POLD1: variants seen among roughly 807,000 people sequenced by gnomAD.
POLD1 encodes DNA polymerase delta 1, catalytic subunit, also known as DNA polymerase delta catalytic subunit.
A neutral mutation model predicts 129.7 loss-of-function variants in POLD1; 79 were observed. The ratio of observed to expected loss-of-function variants is 0.61; its 90% CI spans 0.51 to 0.73. The LOEUF is 0.73. Ranked by LOEUF, POLD1 falls within the 30% of genes least tolerant of loss-of-function variation. The pLI is 0.00. For synonymous variants in POLD1, 714 were observed against 683.3 expected (o/e 1.04, Z -0.70); for missense variants, 1,338 against 1,595.8 (o/e 0.84, Z 2.75).
At chr19:50,408,991 C>A in intron 15 of POLD1, 90 bp downstream of exon 15, 1 of 1,414,066 alleles carries the variant, frequency 7.1e-7, no homozygotes, top group Non-Finnish European at 9.9e-7. Context: ...AGGCACAGGC[C>A]CAGAGATAGT....
intron 1 of POLD1, among the ~76,000 whole-genome samples, chr19:50,388,584 T>G (rs1389784309): frequency 1.3e-5 from 2 of 152,216 alleles, no homozygotes; most frequent in East Asian, 1.9e-4. Context: ...ATTTTCATTT[T>G]ATATATTTCC....
chr19:50,394,423 G>A (rs1257335734), intron 1 of POLD1, among the ~76,000 whole-genome samples: 3 of 152,100 alleles, frequency 2.0e-5, no homozygotes, highest in East Asian at 1.9e-4. Flanking sequence ...AGGCCGAGGC[G>A]GGCGGATCAT....
At chr19:50,391,858 G>A (rs150218440) in intron 1 of POLD1, among the ~76,000 whole-genome samples, 8 of 151,170 alleles carry the variant, frequency 5.3e-5, no homozygotes, top group African/African-American at 1.2e-4. Context: ...GATTATAGGC[G>A]CCCGCCACCA....
intron 22 of POLD1, 112 bp from the exon 23 acceptor site, chr19:50,416,284 G>T: frequency 1.7e-6 from 2 of 1,154,102 alleles, no homozygotes; most frequent in Non-Finnish European, 2.4e-6. Context: ...CCCCCCCCAT[G>T]TCACAGCCCG....
At chr19:50,401,733 G>GGACCCTGAGAGGCATGGCCGCTGTCT in intron 3 of POLD1, 45 bp from the exon 4 acceptor site, 1 of 1,603,984 alleles carries the variant, frequency 6.2e-7, no homozygotes, top group Non-Finnish European at 8.5e-7. Flanking sequence ...ACACCTTGGA[G>GGACCCTGAGAGGCATGGCCGCTGTCT]GACCCTGAGA....
intron 14 of POLD1, 28 bp from the exon 15 acceptor site, chr19:50,408,757 C>A (rs1300949887): frequency 6.2e-7 from 1 of 1,612,178 alleles, no homozygotes; most frequent in South Asian, 1.1e-5. Context: ...CTAGCCCTGA[C>A]TCCCGGCCGC....
chr19:50,397,491 G>A (rs918375328), intron 1 of POLD1, among the ~76,000 whole-genome samples: 4 of 146,206 alleles, frequency 2.7e-5, no homozygotes, highest in South Asian at 4.4e-4. Flanking sequence ...TGCAACCTCC[G>A]CCTCCCAGGT....
intron 10 of POLD1, among the ~76,000 whole-genome samples, chr19:50,404,544 G>A (rs2038795313): frequency 6.9e-6 from 1 of 144,174 alleles, no homozygotes; most frequent in Non-Finnish European, 1.5e-5. Flanking sequence ...TTATAGGCGT[G>A]AGCTACTGCA....
In POLD1 at chr19:50,413,833, G is replaced by A. The variant is rs1434951609; in HGVS notation, c.2342G>A (p.Trp781Ter). The A allele has an allele frequency of 1.2e-6, 2 of 1,611,924 alleles. No individual in the cohort carries two copies. Among genetic ancestry groups the A allele is most frequent in the African/African-American group, 1.3e-5 (1 of 74,880 alleles). ...AMALGREAAD[W>*]VSGHFPSPIR... Reference sequence around the variant, plus strand: ...GCCCTGGGGCGGGAGGCCGCGGACTGGGTGTCAGGTCACTTCCCGTCGCCC... The same window carrying A: ...GCCCTGGGGCGGGAGGCCGCGGACTAGGTGTCAGGTCACTTCCCGTCGCCC... The change falls in exon 19 of 27, where the codon TGG becomes TAG. Residue 781 changes from tryptophan (W) to a stop codon, truncating the protein, a stop_gained. Coordinates refer to ENST00000440232, the MANE Select transcript of POLD1 (RefSeq NM_002691.4). LOFTEE classifies it high-confidence loss of function.
chr19:50,407,309 C>T lies in POLD1; in HGVS notation c.1687-18C>T, dbSNP rs564961733. The T allele has an allele frequency of 6.4e-5, 103 of 1,605,406 alleles. 3 individuals are homozygous for T. The South Asian group carries it at 9.3e-4, about 14-fold the overall frequency. Reference sequence around the variant, plus strand: ...CCCCACCTATACCCACTCCATTTCCCACCTTCTCCCCTCCCAGGCCATGCA... The same window carrying T: ...CCCCACCTATACCCACTCCATTTCCTACCTTCTCCCCTCCCAGGCCATGCA... On this transcript the variant is annotated intron_variant, in intron 13 of 26. Transcript: ENST00000440232.
chr19:50,399,119 G>C, intron 2 of POLD1, 66 bp downstream of exon 2: 2 of 1,549,692 alleles, frequency 1.3e-6, no homozygotes, highest in East Asian at 2.4e-5. Context: ...TTTGGTCCAA[G>C]AGTCAGCTGC....
Position 50,416,541 on chromosome 19 carries a change from C to T in POLD1, c.2953+13C>T. The T allele has an allele frequency of 6.5e-7, 1 of 1,549,496 alleles. No individual in the cohort carries two copies. Among genetic ancestry groups the T allele is most frequent in the Non-Finnish European group, 8.7e-7 (1 of 1,149,332 alleles). On this transcript the variant is annotated intron_variant, in intron 23 of 26. Transcript: ENST00000440232. Reference sequence around the variant, plus strand: ...GCTGTGCTACTGCGTACGGGGGCACCAGGGGACTGGGGGCACCCTGGGGGG... The same window carrying T: ...GCTGTGCTACTGCGTACGGGGGCACTAGGGGACTGGGGGCACCCTGGGGGG...
Position 50,385,031 on chromosome 19 carries a change from G to A in POLD1, c.-2+641G>A, listed in dbSNP as rs555809295. Among the ~76,000 whole-genome samples, 16 of 152,254 alleles carry A rather than the reference G, an allele frequency of 1.1e-4. No individual in the cohort carries two copies. In the South Asian group the frequency reaches 3.3e-3, roughly 32 times the overall value. On this transcript the variant is annotated intron_variant, in intron 1 of 26. Coordinates refer to ENST00000440232, the MANE Select transcript of POLD1 (RefSeq NM_002691.4). ...CAGATGAGGTCGGAGTCATGATGGG[G>A]AACTAGATCCTATAGGGCCTTGTAA...
At chr19:50,413,102 G>T (rs2039143587) in intron 17 of POLD1, among the ~76,000 whole-genome samples, 1 of 152,148 alleles carries the variant, frequency 6.6e-6, no homozygotes, top group Non-Finnish European at 1.5e-5. Context: ...ATAGAGAGCT[G>T]CCCAGAATGT....
At chr19:50,407,282 G>T in intron 13 of POLD1, 45 bp from the exon 14 acceptor site, 1 of 1,569,202 alleles carries the variant, frequency 6.4e-7, no homozygotes. Flanking sequence ...CAATCCGCAC[G>T]GCCCCACCTA....
chr19:50,413,642 C>A (rs558074133), intron 18 of POLD1, 100 bp from the exon 19 acceptor site: 66 of 1,539,094 alleles, frequency 4.3e-5, no homozygotes, highest in Admixed American at 3.7e-4. Context: ...CCTGTTGCAT[C>A]CTTGGGTCCC....
chr19:50,416,756 C>A, intron 24 of POLD1, 33 bp downstream of exon 24: 3 of 1,437,048 alleles, frequency 2.1e-6, no homozygotes, highest in Non-Finnish European at 2.8e-6. Flanking sequence ...CCCCCACTGG[C>A]CCTCAACCTG....
At chr19:50,385,554 A>G (rs1601155941) in intron 1 of POLD1, among the ~76,000 whole-genome samples, 2 of 132,874 alleles carry the variant, frequency 1.5e-5, no homozygotes, top group Admixed American at 7.9e-5. Flanking sequence ...TTTGAGACAG[A>G]GTCTTGCTCT....
chr19:50,412,816 T>C (rs535615498), intron 17 of POLD1, among the ~76,000 whole-genome samples: 1 of 151,720 alleles, frequency 6.6e-6, no homozygotes, highest in African/African-American at 2.4e-5. Flanking sequence ...CACCATGTTG[T>C]CCAGGCTGAT....
Sources: gnomAD v4.1 joint callset for allele counts (sites outside exome capture counted in the v4.1 genomes callset) on GRCh38, gnomAD v4.1.1 for gene constraint, MANE v1.5 for transcripts, NCBI Gene and HGNC (gene_info 2026-07-23, HGNC 2026-07-21) for gene names.